The following CRHR1 variants were observed in gnomAD, a reference collection of about 807,000 sequenced individuals.
CRHR1 encodes corticotropin-releasing hormone receptor 1.
CRHR1 carries 28 observed loss-of-function variants against 56.0 expected under a neutral mutation model. The observed-to-expected ratio is 0.50, with a 90% CI of 0.37 to 0.69. CRHR1 has a LOEUF of 0.69. CRHR1 is among the 30% of genes least tolerant of loss of function. The probability of loss-of-function intolerance (pLI) is 0.00; values close to 1 mark genes in which losing one functional copy is unlikely to be tolerated. For missense variants in CRHR1, 376 were observed against 548.0 expected, an observed-to-expected ratio of 0.69 and a Z score of 3.13; for synonymous variants, 195 against 216.5, an observed-to-expected ratio of 0.90 and a Z score of 0.87.
rs998369419 is a variant in CRHR1, at chr17:45,834,258, G to A, written c.1107+210G>A. Among the ~76,000 whole-genome samples, 4 of 152,200 alleles carry A rather than the reference G, an allele frequency of 2.6e-5. No individual in the cohort carries two copies. The East Asian group carries it at 5.8e-4, about 22-fold the overall frequency. On this transcript the variant is annotated intron_variant, in intron 12 of 12. Coordinates refer to ENST00000314537, the MANE Select transcript of CRHR1 (RefSeq NM_004382.5). ...GCCCCCTCCTTTGCTCTCAGAGGCC[G>A]CTGGCACCAGGCTGGAAGCCAGAGC...
intron 1 of CRHR1, among the ~76,000 whole-genome samples, chr17:45,794,888 C>T (rs1262151571): frequency 1.3e-5 from 2 of 152,248 alleles, no homozygotes; most frequent in African/African-American, 4.8e-5. Flanking sequence ...TCTGAGGTGC[C>T]GGCCCTGGAG....
At chr17:45,834,553 G>A (rs1294221312) in intron 12 of CRHR1, 71 bp from the exon 13 acceptor site, 12 of 1,528,438 alleles carry the variant, frequency 7.9e-6, no homozygotes, top group Admixed American at 1.9e-5. Flanking sequence ...ACAGCTGCTC[G>A]TGGCGGCCCA....
chr17:45,824,131 G>A (rs994349044), intron 4 of CRHR1, among the ~76,000 whole-genome samples: 1 of 152,230 alleles, frequency 6.6e-6, no homozygotes, highest in Non-Finnish European at 1.5e-5. Context: ...AGTTGGGCCA[G>A]AGGAGATGGC....
chr17:45,789,044 AC>A (rs2061382597), intron 1 of CRHR1, among the ~76,000 whole-genome samples: 1 of 152,094 alleles, frequency 6.6e-6, no homozygotes, highest in Non-Finnish European at 1.5e-5. Context: ...CCAGTGCAGC[AC>A]CCCAGTGATC....
chr17:45,828,898 G>A lies in CRHR1; in HGVS notation c.328-317G>A, dbSNP rs115847018. On this transcript the variant is annotated intron_variant, in intron 4 of 12. Coordinates refer to ENST00000314537, the MANE Select transcript of CRHR1 (RefSeq NM_004382.5). ...CATGGGTAGATGCGAGTGTGAGGGC[G>A]CACCTGTGAGCCGGCCACATGTGCT... 4.3e-3 allele frequency among the ~76,000 whole-genome samples: 651 copies of A among 152,314 alleles called. 5 individuals carry two copies. Among genetic ancestry groups the A allele is most frequent in the African/African-American group, 0.015 (607 of 41,566 alleles).
intron 1 of CRHR1, among the ~76,000 whole-genome samples, chr17:45,797,435 C>T (rs1160994641): frequency 3.9e-5 from 6 of 151,902 alleles, no homozygotes; most frequent in Admixed American, 1.3e-4. Flanking sequence ...GGACTACAGG[C>T]GCCCGCCACC....
intron 4 of CRHR1, 104 bp from the exon 5 acceptor site, chr17:45,829,111 T>A: frequency 1.2e-6 from 1 of 843,264 alleles, no homozygotes; most frequent in Non-Finnish European, 1.9e-6. Flanking sequence ...GGAGTGGCCC[T>A]TGAGATCATG....
intron 4 of CRHR1, among the ~76,000 whole-genome samples, chr17:45,823,896 C>T (rs1315981284): frequency 1.3e-5 from 2 of 152,342 alleles, no homozygotes; most frequent in East Asian, 3.9e-4. Context: ...GCTGCTCTGG[C>T]AGGGCGAGGG....
chr17:45,811,163 G>A (rs1193822566), intron 2 of CRHR1, among the ~76,000 whole-genome samples: 1 of 152,262 alleles, frequency 6.6e-6, no homozygotes, highest in East Asian at 1.9e-4. Context: ...GATCTGCCAA[G>A]CACACGTGGA....
At chr17:45,785,855 C>G (rs1471025695) in intron 1 of CRHR1, among the ~76,000 whole-genome samples, 1 of 152,154 alleles carries the variant, frequency 6.6e-6, no homozygotes, top group African/African-American at 2.4e-5. Flanking sequence ...TTAAAATGAT[C>G]AAGGGTTGGT....
At chr17:45,825,090 A>G (rs999967767) in intron 4 of CRHR1, among the ~76,000 whole-genome samples, 1 of 152,176 alleles carries the variant, frequency 6.6e-6, no homozygotes, top group African/African-American at 2.4e-5. Context: ...AGAGGAAAGT[A>G]TCCAATTAAT....
chr17:45,824,558 C>A (rs777180895), intron 4 of CRHR1, among the ~76,000 whole-genome samples: 1 of 152,186 alleles, frequency 6.6e-6, no homozygotes, highest in Non-Finnish European at 1.5e-5. Context: ...GCCTGCCCTG[C>A]AACACCCAAC....
chr17:45,835,052 G>A lies in CRHR1; in HGVS notation c.*288G>A. 1 of 488,650 alleles carries A rather than the reference G, an allele frequency of 2.0e-6. No homozygotes were observed. The highest frequency in any genetic ancestry group is 3.4e-5 in the Admixed American group (1 of 29,698). 30.3% of individuals were successfully genotyped at this position (488,650 alleles called of 1,614,324 possible). ...GGGAATGAATTGAAATGGGGCGCTG[G>A]ACACCTACAGCAGCACGCATGTCCC... On this transcript the variant is annotated 3_prime_UTR_variant, in exon 13 of 13. Transcript: ENST00000314537.
chr17:45,808,027 T>C (rs1279375188), intron 2 of CRHR1, among the ~76,000 whole-genome samples: 1 of 152,170 alleles, frequency 6.6e-6, no homozygotes, highest in Non-Finnish European at 1.5e-5. Context: ...CTGAGTGTCT[T>C]TGGAAGGCTT....
rs557612026 is a variant in CRHR1, at chr17:45,833,805, C to T, written c.1021C>T (p.Arg341Trp). ...CAATCCCGGGGAGGATGAGGTCTCCCGGGTCGTCTTCATCTACTTCAACTC... is the reference window on the plus strand; with the variant it reads ...CAATCCCGGGGAGGATGAGGTCTCCTGGGTCGTCTTCATCTACTTCAACTC... Reference protein sequence around the residue: ...FVNPGEDEVSRVVFIYFNSFL... With the variant: ...FVNPGEDEVSWVVFIYFNSFL... The change falls in exon 11 of 13, where the codon CGG (arginine) becomes TGG (tryptophan). Residue 341 changes from arginine (R) to tryptophan (W), a missense_variant. Around this residue, in one of 2 missense-constraint regions of CRHR1, gnomAD observed 369 missense variants for 519.5 expected, o/e 0.71. Transcript: ENST00000314537. 5 of 1,613,660 alleles carry T rather than the reference C, an allele frequency of 3.1e-6. No homozygotes were observed. The highest frequency in any genetic ancestry group is 2.7e-5 in the African/African-American group (2 of 74,980).
intron 3 of CRHR1, among the ~76,000 whole-genome samples, chr17:45,817,226 T>G (rs1297749184): frequency 1.3e-5 from 2 of 152,240 alleles, no homozygotes; most frequent in Non-Finnish European, 2.9e-5. Context: ...CTCCCTGCTA[T>G]TCCGCCTGCC....
At chr17:45,833,071 G>C in intron 8 of CRHR1, 67 bp from the exon 9 acceptor site, 1 of 1,404,208 alleles carries the variant, frequency 7.1e-7, no homozygotes, top group Non-Finnish European at 1.0e-6. Flanking sequence ...GCCAAGCACT[G>C]TCCCTCCCCA....
intron 1 of CRHR1, among the ~76,000 whole-genome samples, chr17:45,803,801 T>C (rs1374024221): frequency 4.6e-5 from 7 of 151,556 alleles, no homozygotes; most frequent in Non-Finnish European, 7.4e-5. Context: ...TGTGTGCATG[T>C]GTGTGTGTTG....
At chr17:45,792,881 G>C (rs796968142) in intron 1 of CRHR1, among the ~76,000 whole-genome samples, 17 of 152,316 alleles carry the variant, frequency 1.1e-4, no homozygotes, top group African/African-American at 4.1e-4. Flanking sequence ...TCCCACCGTA[G>C]ACTATGAGCT....
Sources: gnomAD v4.1 joint callset for allele counts (sites outside exome capture counted in the v4.1 genomes callset) on GRCh38, gnomAD v4.1.1 for gene constraint, gnomAD v4.1.1 regional missense constraint, MANE v1.5 for transcripts, NCBI Gene and HGNC (gene_info 2026-07-23, HGNC 2026-07-21) for gene names.